Variants in SCUBE1 observed in about 807,000 individuals in gnomAD.
SCUBE1 encodes signal peptide, CUB and EGF-like domain-containing protein 1.
Under a neutral mutation model 124.4 loss-of-function variants are expected in SCUBE1, and 59 were observed. The observed-to-expected ratio is 0.47, with a 90% CI of 0.38 to 0.59. The LOEUF is 0.59. Among genes scored for constraint, SCUBE1 ranks in the 20% least tolerant of loss-of-function variants. The pLI is 0.00. For synonymous variants in SCUBE1, 545 were observed against 550.9 expected (o/e 0.99, Z 0.15); for missense variants, 1,150 against 1,371.2 (o/e 0.84, Z 2.55).
chr22:43,276,682 C>A (rs990687939), intron 4 of SCUBE1, among the ~76,000 whole-genome samples: 2 of 152,226 alleles, frequency 1.3e-5, no homozygotes, highest in Non-Finnish European at 2.9e-5. Context: ...GGGCCTGTGC[C>A]CACAAACCCC....
chr22:43,210,528 G>A lies in SCUBE1; in HGVS notation c.2384-288C>T, dbSNP rs1308376953. Among the ~76,000 whole-genome samples the A allele has an allele frequency of 1.3e-5, 2 of 152,198 alleles. No individual in the cohort carries two copies. The highest frequency in any genetic ancestry group is 4.8e-5 in the African/African-American group (2 of 41,464). On this transcript the variant is annotated intron_variant, in intron 18 of 21. Transcript: ENST00000360835. The surrounding 1 kb of genome is among the most constrained non-coding windows in gnomAD (Gnocchi z 4.5). ...TGCAGGCCCACCCTATTTCTCTGTGGCTGGGCCTTGTCAGGGGCACTGAGA... is the reference window on the plus strand; with the variant it reads ...TGCAGGCCCACCCTATTTCTCTGTGACTGGGCCTTGTCAGGGGCACTGAGA...
At chr22:43,232,088 C>T (rs927398044) in intron 7 of SCUBE1, 2 of 573,210 alleles carry the variant, frequency 3.5e-6, no homozygotes, top group East Asian at 2.9e-5. Flanking sequence ...CTGGGAAGGG[C>T]CAGCTCCCCA....
intron 8 of SCUBE1, 36 bp from the exon 9 acceptor site, chr22:43,229,224 G>GGTT: frequency 1.3e-6 from 1 of 796,086 alleles, no homozygotes; most frequent in Non-Finnish European, 2.1e-6. Flanking sequence ...TGGGGGAGGA[G>GGTT]TTTGAGGGAG....
At position 43,208,116 on chromosome 22, in the gene SCUBE1, C is replaced by T. The variant is rs754469523; in HGVS notation, c.2690G>A (p.Gly897Asp). The T allele has an allele frequency of 1.2e-6, 2 of 1,614,128 alleles. No individual in the cohort carries two copies. Among genetic ancestry groups the T allele is most frequent in the South Asian group, 2.2e-5 (2 of 91,084 alleles). ...KLWIQFKSNEGNSGKGFQVPY... is the reference protein window; with the variant it reads ...KLWIQFKSNEDNSGKGFQVPY... ...CACTTGGAAGCCTTTGCCGCTGTTG[C>T]CTTCATTGGATTTGAACTGGATCCA... The change falls in exon 20 of 22, where the codon GGC (glycine) becomes GAC (aspartate). Residue 897 changes from glycine to aspartate, a missense_variant. Gly to Asp is a moderately conservative substitution (Grantham distance 94, BLOSUM62 -1). Transcript: ENST00000360835.
At chr22:43,219,829 T>C (rs1413008521) in intron 14 of SCUBE1, among the ~76,000 whole-genome samples, 2 of 151,970 alleles carry the variant, frequency 1.3e-5, no homozygotes, top group African/African-American at 2.4e-5. Flanking sequence ...GTTCTATGCA[T>C]TGTTTGTTCT....
At chr22:43,222,859 C>A in intron 11 of SCUBE1, 117 bp from the exon 12 acceptor site, 2 of 973,344 alleles carry the variant, frequency 2.1e-6, no homozygotes, top group Non-Finnish European at 1.5e-6. Flanking sequence ...GATTCTTCTG[C>A]CAGTTTCTGC....
intron 2 of SCUBE1, among the ~76,000 whole-genome samples, chr22:43,323,427 G>A (rs1047003583): frequency 3.3e-5 from 5 of 151,910 alleles, no homozygotes; most frequent in African/African-American, 1.2e-4. Context: ...TAAATATCCA[G>A]TGTGCTGACC....
At position 43,325,860 on chromosome 22, in the gene SCUBE1, G is replaced by A. The variant is rs185879998; in HGVS notation, c.221-5795C>T. On this transcript the variant is annotated intron_variant, in intron 2 of 21. Coordinates refer to ENST00000360835, the MANE Select transcript of SCUBE1 (RefSeq NM_173050.5). Reference sequence around the variant, plus strand: ...CGCTTTTTGTGTATTGAAAGGCAGCGTGCGCACACACAACCCCATGGCTGT... The same window carrying A: ...CGCTTTTTGTGTATTGAAAGGCAGCATGCGCACACACAACCCCATGGCTGT... Among the ~76,000 whole-genome samples the A allele has an allele frequency of 2.2e-3, 339 of 152,028 alleles. 1 individual carries two copies. The highest frequency in any genetic ancestry group is 7.7e-3 in the African/African-American group (321 of 41,456).
chr22:43,216,916 A>G (rs79971671), intron 15 of SCUBE1, among the ~76,000 whole-genome samples: 20,237 of 54,362 alleles, frequency 0.37, 3,141 homozygotes, highest in East Asian at 0.59. Flanking sequence ...TCCCACCCCC[A>G]CTGCCAGGTG....
chr22:43,291,827 C>T (rs1925372136), intron 3 of SCUBE1, among the ~76,000 whole-genome samples: 1 of 152,140 alleles, frequency 6.6e-6, no homozygotes, highest in South Asian at 2.1e-4. Context: ...TCACAGCAAC[C>T]CTGTAAGTCA....
At chr22:43,243,412 G>A (rs1281501401) in intron 6 of SCUBE1, among the ~76,000 whole-genome samples, 1 of 152,240 alleles carries the variant, frequency 6.6e-6, no homozygotes, top group African/African-American at 2.4e-5. Context: ...TCTGGCCTTT[G>A]GTCTCTCTCT....
intron 4 of SCUBE1, among the ~76,000 whole-genome samples, chr22:43,274,189 G>A (rs1178601864): frequency 6.6e-6 from 1 of 152,168 alleles, no homozygotes; most frequent in Non-Finnish European, 1.5e-5. Context: ...CTCAAGGCCC[G>A]GGAGGCTGGA....
At chr22:43,217,176 T>C (rs1429008916) in intron 15 of SCUBE1, among the ~76,000 whole-genome samples, 1 of 147,062 alleles carries the variant, frequency 6.8e-6, no homozygotes, top group Non-Finnish European at 1.5e-5. Context: ...CAGGTATCAT[T>C]TCTTCTCCTC....
At chr22:43,208,014 T>C (rs970683679) in intron 20 of SCUBE1, 58 bp downstream of exon 20, 4 of 1,590,974 alleles carry the variant, frequency 2.5e-6, no homozygotes, top group Admixed American at 1.7e-5. Flanking sequence ...CTCATCTCTG[T>C]GTCTCCAGGG....
rs1330933797 is a variant in SCUBE1 at position 43,206,806 on chromosome 22, T to C, written c.2814+728A>G. 3.3e-5 allele frequency among the ~76,000 whole-genome samples: 5 copies of C among 151,862 alleles called. No individual in the cohort carries two copies. In the East Asian group the frequency reaches 9.7e-4, roughly 29 times the overall value. On this transcript the variant is annotated intron_variant, in intron 21 of 21. Coordinates refer to ENST00000360835, the MANE Select transcript of SCUBE1 (RefSeq NM_173050.5). ...AGGGCGGAGCTGGGGGGACAGAGAT[T>C]GCGGGGAGAGAGCCCAGGACGCATC...
intron 6 of SCUBE1, among the ~76,000 whole-genome samples, chr22:43,252,373 G>T (rs1185733734): frequency 2.0e-5 from 3 of 152,210 alleles, no homozygotes; most frequent in Non-Finnish European, 4.4e-5. Flanking sequence ...TCCCCTCCGT[G>T]GTTTCTAAGA....
chr22:43,219,666 G>A (rs544861107), intron 14 of SCUBE1, among the ~76,000 whole-genome samples: 1 of 152,150 alleles, frequency 6.6e-6, no homozygotes, highest in Admixed American at 6.5e-5. Flanking sequence ...TAGAGACAGG[G>A]TTTCACCATG....
At chr22:43,292,608 G>C (rs1925407531) in intron 3 of SCUBE1, among the ~76,000 whole-genome samples, 1 of 131,580 alleles carries the variant, frequency 7.6e-6, no homozygotes, top group Admixed American at 7.2e-5. Context: ...CTTCGGTGTT[G>C]AGCTTTTGAT....
intron 4 of SCUBE1, among the ~76,000 whole-genome samples, chr22:43,286,998 C>A (rs777629804): frequency 1.3e-5 from 2 of 152,124 alleles, no homozygotes; most frequent in Non-Finnish European, 2.9e-5. Flanking sequence ...AGGGAGAGAG[C>A]CTGAAGGTGC....
Sources: gnomAD v4.1 joint callset for allele counts (sites outside exome capture counted in the v4.1 genomes callset) on GRCh38, gnomAD v4.1.1 for gene constraint, Gnocchi (gnomAD v3.1) non-coding constraint, MANE v1.5 for transcripts, NCBI Gene and HGNC (gene_info 2026-07-23, HGNC 2026-07-21) for gene names.